NAALADL2: variants seen among roughly 807,000 people sequenced by gnomAD.
NAALADL2 encodes inactive N-acetylated-alpha-linked acidic dipeptidase-like protein 2.
A neutral mutation model predicts 87.2 loss-of-function variants in NAALADL2; 76 were observed. The ratio of observed to expected loss-of-function variants is 0.87; its 90% CI spans 0.72 to 1.05. NAALADL2 has a LOEUF of 1.05. Among genes scored for constraint, NAALADL2 ranks in the 50% least tolerant of loss-of-function variants. The pLI is 0.00. For missense variants in NAALADL2, 1,089 were observed against 945.8 expected, an observed-to-expected ratio of 1.15 and a Z score of -1.99; for synonymous variants, 354 against 331.0, an observed-to-expected ratio of 1.07 and a Z score of -0.75.
At chr3:174,672,000 A>G (rs1726595520) in intron 2 of NAALADL2, among the ~76,000 whole-genome samples, 1 of 151,880 alleles carries the variant, frequency 6.6e-6, no homozygotes, top group South Asian at 2.1e-4. Context: ...TTGTTCTGCA[A>G]TCCTTTATAA....
chr3:175,079,546 T>G (rs1717325594), intron 1 of NAALADL2: 1 of 152,222 alleles, frequency 6.6e-6, no homozygotes, highest in Non-Finnish European at 1.5e-5. Flanking sequence ...GAAAAATTTT[T>G]CTAACATGTT....
intron 2 of NAALADL2, among the ~76,000 whole-genome samples, chr3:175,170,798 A>G (rs1734692218): frequency 6.6e-6 from 1 of 151,668 alleles, no homozygotes; most frequent in Non-Finnish European, 1.5e-5. Context: ...GTTTGTATTC[A>G]TTGGTACATG....
intron 11 of NAALADL2, among the ~76,000 whole-genome samples, chr3:175,698,319 GTATT>G (rs1421762408): frequency 2.8e-5 from 2 of 71,772 alleles, no homozygotes; most frequent in Admixed American, 1.4e-4. Flanking sequence ...ATATGTATGT[GTATT>G]TATGTATGTG....
chr3:175,572,597 T>G (rs1021799584), intron 9 of NAALADL2, among the ~76,000 whole-genome samples: 14 of 152,062 alleles, frequency 9.2e-5, no homozygotes, highest in Admixed American at 4.6e-4. Context: ...ATACAAAACA[T>G]GTAAATAATT....
At chr3:174,480,642 C>T (rs1025604648) in intron 1 of NAALADL2, among the ~76,000 whole-genome samples, 6 of 152,070 alleles carry the variant, frequency 3.9e-5, no homozygotes, top group Non-Finnish European at 8.8e-5. Context: ...TAATCATATA[C>T]ATTCTTAATA....
intron 3 of NAALADL2, among the ~76,000 whole-genome samples, chr3:174,813,877 A>C (rs1422399336): frequency 2.0e-5 from 3 of 152,082 alleles, no homozygotes; most frequent in Non-Finnish European, 4.4e-5. Context: ...TTAAGATCTC[A>C]AACTTTTATG....
chr3:174,521,074 A>G (rs1000332952), intron 1 of NAALADL2, among the ~76,000 whole-genome samples: 1 of 152,216 alleles, frequency 6.6e-6, no homozygotes, highest in Non-Finnish European at 1.5e-5. Context: ...AATGTAAATT[A>G]GTACAACCTC....
intron 1 of NAALADL2, among the ~76,000 whole-genome samples, chr3:174,947,693 T>TA (rs886675045): frequency 7.9e-5 from 12 of 151,386 alleles, no homozygotes; most frequent in African/African-American, 1.7e-4. Context: ...ATACAGGTTT[T>TA]AAAAAAAAAT....
chr3:174,930,780 C>T (rs1441885047), intron 1 of NAALADL2, among the ~76,000 whole-genome samples: 1 of 151,514 alleles, frequency 6.6e-6, no homozygotes, highest in Non-Finnish European at 1.5e-5. Flanking sequence ...CGCCACCATT[C>T]CTGGCTAATT....
intron 2 of NAALADL2, among the ~76,000 whole-genome samples, chr3:175,205,365 A>C (rs2109198747): frequency 6.6e-6 from 1 of 152,306 alleles, no homozygotes; most frequent in Admixed American, 6.5e-5. Flanking sequence ...GTTTTCAACA[A>C]ATGGTGCTGG....
At chr3:175,614,790 A>G (rs73881305) in intron 10 of NAALADL2, among the ~76,000 whole-genome samples, 2,263 of 152,358 alleles carry the variant, frequency 0.015, 60 homozygotes, top group African/African-American at 0.051. Flanking sequence ...ATATGCAACT[A>G]TAAAAAATTA....
chr3:175,069,206 C>T (rs1481420154), intron 1 of NAALADL2, among the ~76,000 whole-genome samples: 1 of 149,364 alleles, frequency 6.7e-6, no homozygotes, highest in African/African-American at 2.6e-5. Context: ...AAAGAAACTA[C>T]CATCAGAGTG....
chr3:175,292,593 TACACACACAC>T (rs71164627), intron 4 of NAALADL2, among the ~76,000 whole-genome samples: 7 of 145,268 alleles, frequency 4.8e-5, no homozygotes, highest in African/African-American at 1.5e-4. Context: ...TGAGTTGGGA[TACACACACAC>T]ACACACACAC....
chr3:174,718,477 GAGTC>G (rs1334979906), intron 2 of NAALADL2, among the ~76,000 whole-genome samples: 1 of 152,168 alleles, frequency 6.6e-6, no homozygotes, highest in Admixed American at 6.5e-5. Context: ...CAGAAGCTGA[GAGTC>G]AGAGAGGTGA....
At chr3:174,695,544 A>G (rs1049012643) in intron 2 of NAALADL2, among the ~76,000 whole-genome samples, 3 of 152,206 alleles carry the variant, frequency 2.0e-5, no homozygotes, top group South Asian at 4.1e-4. Context: ...TTTAAATTTT[A>G]TATCACTAGA....
At chr3:174,633,516 T>C (rs1327856441) in intron 2 of NAALADL2, among the ~76,000 whole-genome samples, 6 of 152,206 alleles carry the variant, frequency 3.9e-5, no homozygotes, top group Non-Finnish European at 1.5e-5. Context: ...AAGTAGTGTA[T>C]GAGGCAATAA....
At chr3:174,599,804 C>T (rs543988478) in intron 2 of NAALADL2, among the ~76,000 whole-genome samples, 15 of 152,158 alleles carry the variant, frequency 9.9e-5, no homozygotes, top group African/African-American at 2.4e-4. Context: ...AGACTGCTTT[C>T]GTCAACAAAT....
chr3:175,457,685 ATTT>A, intron 6 of NAALADL2, among the ~76,000 whole-genome samples: 1 of 131,452 alleles, frequency 7.6e-6, no homozygotes, highest in African/African-American at 2.8e-5. Flanking sequence ...TGTCTGGCTA[ATTT>A]TTTTTTTTTT....
intron 3 of NAALADL2, among the ~76,000 whole-genome samples, chr3:174,835,143 T>C (rs909667707): frequency 2.6e-5 from 4 of 152,036 alleles, no homozygotes; most frequent in Admixed American, 6.5e-5. Context: ...TGTACACATA[T>C]ATAGTGAATT....
Sources: gnomAD v4.1 joint callset for allele counts (sites outside exome capture counted in the v4.1 genomes callset) on GRCh38, gnomAD v4.1.1 for gene constraint, MANE v1.5 for transcripts, NCBI Gene and HGNC (gene_info 2026-07-23, HGNC 2026-07-21) for gene names.